The following DENND2A variants were observed in gnomAD, a reference collection of about 807,000 sequenced individuals.
DENND2A encodes DENN domain-containing protein 2A.
DENND2A carries 53 observed loss-of-function variants against 105.3 expected under a neutral mutation model. That is an observed-to-expected ratio of 0.50 (90% CI 0.40 to 0.63). The LOEUF is 0.63. Among genes scored for constraint, DENND2A ranks in the 30% least tolerant of loss-of-function variants. The pLI is 0.00. For synonymous variants in DENND2A, 522 were observed against 508.4 expected, an observed-to-expected ratio of 1.03 and a Z score of -0.36; for missense variants, 1,138 against 1,279.6, an observed-to-expected ratio of 0.89 and a Z score of 1.69.
At chr7:140,630,642 C>A (rs1165227413) in intron 1 of DENND2A, among the ~76,000 whole-genome samples, 2 of 151,862 alleles carry the variant, frequency 1.3e-5, no homozygotes, top group Non-Finnish European at 2.9e-5. Flanking sequence ...GTCAGGAGTT[C>A]GAGACCAAAC....
In DENND2A at chr7:140,525,894, G is replaced by C. The variant is rs532748207; in HGVS notation, c.2506-102C>G. 5 of 998,374 alleles carry C rather than the reference G, an allele frequency of 5.0e-6. No homozygotes were observed. The East Asian group carries it at 1.5e-4, about 30-fold the overall frequency. 61.8% of individuals were successfully genotyped at this position (998,374 alleles called of 1,614,324 possible). A position where few individuals can be genotyped will look rare whatever the true frequency, so the allele number is the denominator to read the frequency against. Reference sequence around the variant, plus strand: ...TCTTGGCATGCAGAGAGGCAGCTGGGGCGGGGCTGGAGGTGAGCCATTTGT... The same window carrying C: ...TCTTGGCATGCAGAGAGGCAGCTGGCGCGGGGCTGGAGGTGAGCCATTTGT... On this transcript the variant is annotated intron_variant, in intron 15 of 19. Transcript: ENST00000496613.
chr7:140,599,317 G>A (rs562642155), intron 3 of DENND2A, among the ~76,000 whole-genome samples: 122 of 151,610 alleles, frequency 8.0e-4, no homozygotes, highest in African/African-American at 2.9e-3. Context: ...CAGCCTGGGC[G>A]ATACTCTGTC....
Position 140,579,419 on chromosome 7 carries a change from GTCTC to G in DENND2A, c.1246-5415_1246-5412del, listed in dbSNP as rs1463979391. On this transcript the variant is annotated intron_variant, in intron 5 of 19. Coordinates refer to ENST00000496613, the MANE Select transcript of DENND2A (RefSeq NM_015689.5). Reference sequence around the variant, plus strand: ...TTTTCTTTTTTTTTTTTGAGACGAAGTCTCTCTCTGTCACCCAGGCTGGAGTGCA... The same window carrying G: ...TTTTCTTTTTTTTTTTTGAGACGAAGTCTCTGTCACCCAGGCTGGAGTGCA... 2.0e-5 allele frequency among the ~76,000 whole-genome samples: 3 copies of G among 149,550 alleles called. No homozygotes were observed. In the East Asian group the frequency reaches 5.9e-4, roughly 29 times the overall value.
At chr7:140,584,683 G>A (rs1015807168) in intron 5 of DENND2A, among the ~76,000 whole-genome samples, 2 of 152,170 alleles carry the variant, frequency 1.3e-5, no homozygotes, top group African/African-American at 4.8e-5. Flanking sequence ...TGGGCATTCA[G>A]ACAGGACAAC....
chr7:140,523,461 G>A lies in DENND2A; in HGVS notation c.2548-37C>T, dbSNP rs1243805668. ...AGGTAGCAGGTGGGCTTATGGGCAC[G>A]GTGGCTGCGTCTTGGCCATAGGACA... On this transcript the variant is annotated intron_variant, in intron 16 of 19. Coordinates refer to ENST00000496613, the MANE Select transcript of DENND2A (RefSeq NM_015689.5). This position sits in a 1 kb window ranked among gnomAD's most constrained non-coding sequence, Gnocchi z 4.5. 1.3e-5 allele frequency: 21 copies of A among 1,588,048 alleles called. No homozygotes were observed. The African/African-American group carries it at 1.5e-4, about 11-fold the overall frequency.
At chr7:140,582,161 C>T (rs1432850511) in intron 5 of DENND2A, among the ~76,000 whole-genome samples, 3 of 152,090 alleles carry the variant, frequency 2.0e-5, no homozygotes, top group Non-Finnish European at 2.9e-5. Context: ...GATGGGGTTT[C>T]ACCATGTTGG....
chr7:140,598,615 C>CAT lies in DENND2A; in HGVS notation c.995+2786_995+2787dup, dbSNP rs545890127. The stretch of plus-strand genomic sequence containing the variant: ...AATTTAAGATGTCTTAAAAAATACA[C>CAT]ATATATATACACACAAACACACACA... On this transcript the variant is annotated intron_variant, in intron 3 of 19. Coordinates refer to ENST00000496613, the MANE Select transcript of DENND2A (RefSeq NM_015689.5). 1.8e-4 allele frequency among the ~76,000 whole-genome samples: 28 copies of CAT among 152,154 alleles called. No homozygotes were observed. The South Asian group carries it at 4.8e-3, about 26-fold the overall frequency.
Position 140,602,096 on chromosome 7 carries a change from G to C in DENND2A, c.302C>G (p.Pro101Arg), listed in dbSNP as rs752901983. The C allele has an allele frequency of 6.2e-7, 1 of 1,613,888 alleles. No homozygotes were observed. Among genetic ancestry groups the C allele is most frequent in the African/African-American group, 1.3e-5 (1 of 74,852 alleles). ...QVTEAKNGMR[P>R]GTESTEKERN... ...CTCCTTCTCTGTGCTCTCTGTTCCT[G>C]GCCTCATTCCATTCTTAGCCTCTGT... The change falls in exon 3 of 20, where the codon CCA becomes CGA. Residue 101 changes from proline to arginine, a missense_variant. This residue lies in a region of DENND2A where 511 missense variants were observed against 499.9 expected (regional missense o/e 1.02). Transcript: ENST00000496613.
At chr7:140,562,788 G>A (rs567019989) in intron 9 of DENND2A, among the ~76,000 whole-genome samples, 23 of 152,230 alleles carry the variant, frequency 1.5e-4, no homozygotes, top group African/African-American at 4.8e-4. Flanking sequence ...GCAATCAATC[G>A]GTAAAACACA....
intron 1 of DENND2A, among the ~76,000 whole-genome samples, chr7:140,617,120 A>G (rs1800109495): frequency 6.6e-6 from 1 of 152,130 alleles, no homozygotes; most frequent in Admixed American, 6.5e-5. Context: ...GGCCTCCCTA[A>G]ATGCTGGGAT....
chr7:140,566,684 A>ATTT (rs3043058), intron 9 of DENND2A, among the ~76,000 whole-genome samples: 1,338 of 113,186 alleles, frequency 0.012, 58 homozygotes, highest in African/African-American at 0.044. Context: ...TGGCCATACT[A>ATTT]TTTTTTTTTT....
rs374348351 is a variant in DENND2A, at chr7:140,544,691, C to T, written c.2254G>A (p.Val752Ile). 2.6e-4 allele frequency: 426 copies of T among 1,613,748 alleles called. 1 individual carries two copies. In the Middle Eastern group the frequency reaches 6.9e-3, roughly 26 times the overall value. Residue 752 changes from valine to isoleucine, a missense_variant, in exon 14 of 20, where the codon GTC becomes ATC. Around this residue, in one of 2 missense-constraint regions of DENND2A, gnomAD observed 627 missense variants for 779.8 expected, o/e 0.80. Coordinates refer to ENST00000496613, the MANE Select transcript of DENND2A (RefSeq NM_015689.5). ...GCAAACACACAGACCAGGTGGCGGA[C>T]GCTGAGGGAGGAGAAGAGAGACTCA... ...DFESLFSSLS[V>I]RHLVCVFASL...
chr7:140,612,389 C>T (rs866832025), intron 1 of DENND2A, among the ~76,000 whole-genome samples: 2 of 152,008 alleles, frequency 1.3e-5, no homozygotes, highest in African/African-American at 4.8e-5. Flanking sequence ...AAAATCCACA[C>T]AATTATAATT....
At chr7:140,569,847 G>T (rs1011868343) in intron 6 of DENND2A, 109 bp from the exon 7 acceptor site, 15 of 756,800 alleles carry the variant, frequency 2.0e-5, no homozygotes, top group Admixed American at 8.2e-5. Flanking sequence ...AGGGCCAGGG[G>T]GAGTGGGAGA....
In DENND2A at chr7:140,580,004, G is replaced by A. The variant is rs546815264; in HGVS notation, c.1245+5585C>T. Among the ~76,000 whole-genome samples, 6 of 152,162 alleles carry A rather than the reference G, an allele frequency of 3.9e-5. No homozygotes were observed. In the South Asian group the frequency reaches 1.2e-3, roughly 32 times the overall value. On this transcript the variant is annotated intron_variant, in intron 5 of 19. Coordinates refer to ENST00000496613, the MANE Select transcript of DENND2A (RefSeq NM_015689.5). ...AAAAAATTAGCTGGGCATGGTGGTG[G>A]ACGCCCATAGTCCCAGCTACTTGGG... is the stretch of plus-strand genomic sequence containing the variant.
intron 14 of DENND2A, among the ~76,000 whole-genome samples, chr7:140,528,497 C>T (rs1404804579): frequency 2.6e-5 from 4 of 151,854 alleles, no homozygotes; most frequent in Non-Finnish European, 4.4e-5. Flanking sequence ...CTGCCGGGCA[C>T]GGTGGCTCAC....
At chr7:140,628,098 T>C (rs1254073405) in intron 1 of DENND2A, among the ~76,000 whole-genome samples, 2 of 152,140 alleles carry the variant, frequency 1.3e-5, no homozygotes, top group Non-Finnish European at 1.5e-5. Flanking sequence ...CCAGCATACA[T>C]TAATTCTTAA....
intron 1 of DENND2A, among the ~76,000 whole-genome samples, chr7:140,629,722 C>T (rs1006887038): frequency 8.6e-5 from 13 of 151,940 alleles, no homozygotes; most frequent in Non-Finnish European, 1.8e-4. Flanking sequence ...TGGGAGGGAG[C>T]GATGAAACTG....
At chr7:140,581,031 G>T (rs1401636238) in intron 5 of DENND2A, among the ~76,000 whole-genome samples, 1 of 152,000 alleles carries the variant, frequency 6.6e-6, no homozygotes, top group East Asian at 2.0e-4. Flanking sequence ...GGGAGGCTGA[G>T]GTGGGTGGAT....
Sources: allele counts gnomAD v4.1 joint callset (sites outside exome capture counted in the v4.1 genomes callset), GRCh38; gene constraint gnomAD v4.1.1; regional missense constraint gnomAD v4.1.1; non-coding constraint Gnocchi (gnomAD v3.1); transcripts MANE v1.5; gene names NCBI Gene and HGNC (gene_info 2026-07-23, HGNC 2026-07-21).